CRYZ: variants seen among roughly 807,000 people sequenced by gnomAD.
CRYZ encodes zeta-crystallin.
CRYZ carries 35 observed loss-of-function variants against 34.1 expected under a neutral mutation model. The observed-to-expected ratio is 1.03, with a 90% CI of 0.78 to 1.36. The LOEUF is 1.36. CRYZ is among the 40% of genes most tolerant of loss of function. The pLI, the probability that CRYZ is intolerant of heterozygous loss-of-function variation, is 0.00. For missense variants in CRYZ, 403 were observed against 391.8 expected (o/e 1.03, Z -0.24); for synonymous variants, 137 against 136.5 (o/e 1.00, Z -0.03).
intron 8 of CRYZ, 120 bp from the exon 9 acceptor site, chr1:74,706,577 A>T: frequency 1.1e-6 from 1 of 899,944 alleles, no homozygotes; most frequent in Non-Finnish European, 1.7e-6. Context: ...CAAATGTGTG[A>T]CTTTTGTCAA....
At chr1:74,721,790 A>G (rs1557730162) in intron 3 of CRYZ, among the ~76,000 whole-genome samples, 2 of 152,120 alleles carry the variant, frequency 1.3e-5, no homozygotes, top group Non-Finnish European at 2.9e-5. Flanking sequence ...TTTGTAAGAG[A>G]TTTCTGGAGG....
At chr1:74,707,045 T>A (rs1340654690) in intron 7 of CRYZ, 51 bp from the exon 8 acceptor site, 2 of 1,570,022 alleles carry the variant, frequency 1.3e-6, no homozygotes, top group East Asian at 4.5e-5. Flanking sequence ...TAAAATAGTG[T>A]TAAATTGTGG....
chr1:74,710,578 G>A (rs1335960004), intron 5 of CRYZ, among the ~76,000 whole-genome samples: 1 of 152,156 alleles, frequency 6.6e-6, no homozygotes, highest in Non-Finnish European at 1.5e-5. Context: ...ATGGAAACAG[G>A]AGTTAGACCA....
At chr1:74,713,890 G>A (rs574257057) in intron 5 of CRYZ, among the ~76,000 whole-genome samples, 1 of 152,216 alleles carries the variant, frequency 6.6e-6, no homozygotes, top group Admixed American at 6.5e-5. Context: ...TCTAACTGCA[G>A]AGCTCTAACT....
At chr1:74,712,779 C>T (rs1329107411) in intron 5 of CRYZ, among the ~76,000 whole-genome samples, 3 of 152,164 alleles carry the variant, frequency 2.0e-5, no homozygotes, top group African/African-American at 7.2e-5. Flanking sequence ...AACTACATCT[C>T]CTTGTGTTCT....
At chr1:74,717,867 T>C (rs147507184) in intron 4 of CRYZ, among the ~76,000 whole-genome samples, 1 of 152,308 alleles carries the variant, frequency 6.6e-6, no homozygotes, top group African/African-American at 2.4e-5. Context: ...AATGGTGATG[T>C]TCACAAGGGC....
chr1:74,708,464 AT>A (rs1646959926), intron 6 of CRYZ: 1 of 152,142 alleles, frequency 6.6e-6, no homozygotes, highest in Admixed American at 6.6e-5. Context: ...AAAAGGGTGT[AT>A]TAGCTCAGTT....
rs977003054 is a variant in CRYZ at position 74,710,191 on chromosome 1, A to G, written c.537T>C (p.Thr179=). The G allele has an allele frequency of 1.9e-6, 3 of 1,613,806 alleles. No individual in the cohort carries two copies. Among genetic ancestry groups the G allele is most frequent in the Non-Finnish European group, 1.7e-6 (2 of 1,179,866 alleles). The change falls in exon 6 of 9, where the codon ACT becomes ACC. Residue 179 remains threonine (T), a synonymous_variant. Transcript: ENST00000340866. ...TCTTTTGTCCTTCCTCAGTACCAGC[A>G]GTGCCCAAAATCTTTAAGCCATAAG... ...ARAYGLKILG[T]AGTEEGQKIV...
At chr1:74,713,496 G>A (rs1647031421) in intron 5 of CRYZ, among the ~76,000 whole-genome samples, 1 of 152,128 alleles carries the variant, frequency 6.6e-6, no homozygotes, top group African/African-American at 2.4e-5. Flanking sequence ...GCCCCATAAA[G>A]ACAATCCTAG....
chr1:74,729,291 C>T (rs1337211174), intron 1 of CRYZ, among the ~76,000 whole-genome samples: 1 of 151,766 alleles, frequency 6.6e-6, no homozygotes, highest in Non-Finnish European at 1.5e-5. Flanking sequence ...TGGGATCCCA[C>T]TCAGAGTTAC....
chr1:74,708,910 A>G (rs1646965694), intron 6 of CRYZ: 3 of 152,182 alleles, frequency 2.0e-5, no homozygotes. Flanking sequence ...AAGTCAGGAA[A>G]GTAAGAAGAG....
chr1:74,730,040 T>C (rs1198175861), intron 1 of CRYZ, among the ~76,000 whole-genome samples: 4 of 152,172 alleles, frequency 2.6e-5, no homozygotes, highest in African/African-American at 9.7e-5. Flanking sequence ...ACTTCCTACA[T>C]ATTTCTTTCA....
Position 74,723,210 on chromosome 1 carries a change from T to C in CRYZ, c.172A>G (p.Thr58Ala). ...GGTAAGAGTGGTTTTCTACTATAAGTACCAGAGCGAATGTATGTCTCCACG... is the reference window on the plus strand; with the variant it reads ...GGTAAGAGTGGTTTTCTACTATAAGCACCAGAGCGAATGTATGTCTCCACG... ...NPVETYIRSG[T>A]YSRKPLLPYT... is the part of the protein sequence containing the mutation. Residue 58 changes from threonine to alanine, a missense_variant, in exon 3 of 9, where the codon ACT (threonine) becomes GCT (alanine). Coordinates refer to ENST00000340866, the MANE Select transcript of CRYZ (RefSeq NM_001889.4). The C allele has an allele frequency of 1.9e-6, 3 of 1,614,016 alleles. No individual in the cohort carries two copies. Among genetic ancestry groups the C allele is most frequent in the Non-Finnish European group, 2.5e-6 (3 of 1,179,930 alleles).
Position 74,718,382 on chromosome 1 carries a change from T to C in CRYZ, c.428+827A>G, listed in dbSNP as rs747225969. Among the ~76,000 whole-genome samples, 49 of 152,072 alleles carry C rather than the reference T, an allele frequency of 3.2e-4. 1 individual carries two copies. Among genetic ancestry groups the C allele is most frequent in the Non-Finnish European group, 4.1e-4 (28 of 67,984 alleles). ...TCTCAATAAAACATAAATATGACAA[T>C]AGCAGTCTCCTGAATAAAGCATTTC... On this transcript the variant is annotated intron_variant, in intron 4 of 8. Transcript: ENST00000340866.
At chr1:74,706,842 G>C in intron 8 of CRYZ, 57 bp downstream of exon 8, 1 of 1,405,330 alleles carries the variant, frequency 7.1e-7, no homozygotes, top group Non-Finnish European at 1.0e-6. Context: ...GCTTGCCTGA[G>C]TAGGCAAACT....
intron 5 of CRYZ, 93 bp downstream of exon 5, chr1:74,714,486 T>G: frequency 7.9e-7 from 1 of 1,271,082 alleles, no homozygotes; most frequent in African/African-American, 1.5e-5. Flanking sequence ...TGACTCTATT[T>G]ATAAATCTGA....
At position 74,710,149 on chromosome 1, in the gene CRYZ, T is replaced by C. The variant is rs1201398947; in HGVS notation, c.579A>G (p.Gly193=). ...EEGQKIVLQN[G]AHEVFNHREV... The stretch of plus-strand genomic sequence containing the variant: ...CTCTGTGATTGAACACTTCATGGGC[T>C]CCATTTTGCAAAACAATCTTTTGTC... Residue 193 remains glycine (G), a synonymous_variant, in exon 6 of 9, where the codon GGA becomes GGG. Transcript: ENST00000340866. 6.2e-7 allele frequency: 1 copy of C among 1,613,872 alleles called. No individual in the cohort carries two copies. The highest frequency in any genetic ancestry group is 8.5e-7 in the Non-Finnish European group (1 of 1,179,830).
Position 74,710,045 on chromosome 1 carries a change from G to A in CRYZ, c.630+53C>T, listed in dbSNP as rs150157740. 1,800 of 1,518,468 alleles carry A rather than the reference G, an allele frequency of 1.2e-3. 2 individuals carry two copies. Among genetic ancestry groups the A allele is most frequent in the Non-Finnish European group, 1.6e-3 (1,733 of 1,108,906 alleles). The allele number at this position is 1,518,468 out of a possible 1,614,324, so 94.1% of individuals were successfully genotyped here. A position where few individuals can be genotyped will look rare whatever the true frequency, so the allele number is the denominator to read the frequency against. On this transcript the variant is annotated intron_variant, in intron 6 of 8. Coordinates refer to ENST00000340866, the MANE Select transcript of CRYZ (RefSeq NM_001889.4). ...GGTTAAAAACATATTAAAAAACCAC[G>A]CAAGTCTCCAAGGAACAAAGTTTGA...
intron 6 of CRYZ, 95 bp downstream of exon 6, chr1:74,710,003 G>T: frequency 9.9e-7 from 1 of 1,013,556 alleles, no homozygotes; most frequent in Non-Finnish European, 1.4e-6. Context: ...GAAGCAAACA[G>T]CTTTAAAGGA....
Sources: gnomAD v4.1 joint callset for allele counts (sites outside exome capture counted in the v4.1 genomes callset) on GRCh38, gnomAD v4.1.1 for gene constraint, MANE v1.5 for transcripts, NCBI Gene and HGNC (gene_info 2026-07-23, HGNC 2026-07-21) for gene names.